SAMD5: variants seen among roughly 807,000 people sequenced by gnomAD.
SAMD5 encodes sterile alpha motif domain containing 5.
SAMD5 carries 13 observed loss-of-function variants against 11.3 expected under a neutral mutation model. The ratio of observed to expected loss-of-function variants is 1.15; its 90% CI spans 0.75 to 1.83. The LOEUF is 1.83. Ranked by LOEUF, SAMD5 falls within the 40% of genes most tolerant of loss-of-function variation. The probability of loss-of-function intolerance (pLI) is 0.00; values close to 1 mark genes in which losing one functional copy is unlikely to be tolerated. For synonymous variants in SAMD5, 129 were observed against 111.3 expected, an observed-to-expected ratio of 1.16 and a Z score of -1.00; for missense variants, 255 against 239.1, an observed-to-expected ratio of 1.07 and a Z score of -0.44.
chr6:147,890,137 A>G, the SAMD5 span, among the ~76,000 whole-genome samples: 4 of 152,220 alleles, frequency 2.6e-5, no homozygotes, highest in African/African-American at 9.6e-5. Flanking sequence ...AAATATAAAG[A>G]CAAACGTGAG....
the SAMD5 span, among the ~76,000 whole-genome samples, chr6:147,873,426 A>T: frequency 1.3e-5 from 2 of 152,016 alleles, no homozygotes; most frequent in African/African-American, 4.8e-5. Flanking sequence ...TCTGGTATCT[A>T]TTCTGACTGT....
chr6:147,953,611 A>G, the SAMD5 span: 1 of 152,240 alleles, frequency 6.6e-6, no homozygotes, highest in African/African-American at 2.4e-5. Context: ...TTATGTTAAA[A>G]TCAGCCAAAA....
At chr6:147,742,212 G>T (rs1425369806), downstream of SAMD5, among the ~76,000 whole-genome samples, 1 of 152,038 alleles carries the variant, frequency 6.6e-6, no homozygotes, top group East Asian at 1.9e-4. Flanking sequence ...GGCCTAAGTC[G>T]TCTTTTGCCC....
chr6:147,542,573 T>C (rs1398396586), intron 1 of SAMD5, among the ~76,000 whole-genome samples: 1 of 152,068 alleles, frequency 6.6e-6, no homozygotes, highest in Non-Finnish European at 1.5e-5. Flanking sequence ...GATGAAATCA[T>C]AGGAAGTTGA....
At chr6:147,571,259 C>A (rs1282676374), downstream of SAMD5, among the ~76,000 whole-genome samples, 2 of 152,130 alleles carry the variant, frequency 1.3e-5, no homozygotes, top group Non-Finnish European at 2.9e-5. Flanking sequence ...TGTATGCCTG[C>A]AGTAAAGTTC....
At chr6:147,781,444 G>A in the SAMD5 span, among the ~76,000 whole-genome samples, 9 of 152,026 alleles carry the variant, frequency 5.9e-5, no homozygotes, top group Non-Finnish European at 1.2e-4. Context: ...CTTAAATCTA[G>A]GTACATCATT....
chr6:147,588,819 C>G (rs1789413057), intron 1 of SAMD5, among the ~76,000 whole-genome samples: 1 of 152,054 alleles, frequency 6.6e-6, no homozygotes, highest in Non-Finnish European at 1.5e-5. Context: ...CCCCATCCAT[C>G]TTTTTACTAA....
At chr6:147,605,957 G>A (rs1789693623) in intron 1 of SAMD5, among the ~76,000 whole-genome samples, 3 of 151,942 alleles carry the variant, frequency 2.0e-5, no homozygotes, top group African/African-American at 7.3e-5. Flanking sequence ...AGCAGGGTTG[G>A]CACACAAGAT....
chr6:147,939,539 C>A, the SAMD5 span, among the ~76,000 whole-genome samples: 1 of 152,142 alleles, frequency 6.6e-6, no homozygotes, highest in South Asian at 2.1e-4. Flanking sequence ...AGCTGTATGC[C>A]AGAAACCTAG....
the SAMD5 span, among the ~76,000 whole-genome samples, chr6:147,833,107 A>G: frequency 6.6e-6 from 1 of 152,234 alleles, no homozygotes; most frequent in African/African-American, 2.4e-5. Context: ...ATTCATCCCA[A>G]GCAGGCCATG....
the SAMD5 span, among the ~76,000 whole-genome samples, chr6:147,918,866 A>T: frequency 1.3e-5 from 2 of 151,758 alleles, no homozygotes; most frequent in African/African-American, 4.8e-5. Context: ...CACCACACTC[A>T]GCTAATTTTT....
chr6:147,901,771 G>A, the SAMD5 span, among the ~76,000 whole-genome samples: 1 of 152,140 alleles, frequency 6.6e-6, no homozygotes, highest in African/African-American at 2.4e-5. Flanking sequence ...AAGACTTCAT[G>A]TTATACTTTT....
chr6:147,823,513 G>A, the SAMD5 span, among the ~76,000 whole-genome samples: 1,961 of 152,280 alleles, frequency 0.013, 35 homozygotes, highest in South Asian at 0.039. Flanking sequence ...CTGCGGTCTC[G>A]TACCTGGATA....
chr6:147,617,687 A>G (rs978301294), intron 1 of SAMD5, among the ~76,000 whole-genome samples: 3 of 152,182 alleles, frequency 2.0e-5, no homozygotes, highest in African/African-American at 7.2e-5. Context: ...TGCAGAACTC[A>G]TCACACTGTC....
chr6:147,654,564 G>T (rs1790537807), intron 1 of SAMD5, among the ~76,000 whole-genome samples: 1 of 151,924 alleles, frequency 6.6e-6, no homozygotes, highest in South Asian at 2.1e-4. Flanking sequence ...GGCCACTACT[G>T]TTGCTCCATT....
chr6:147,641,227 G>A (rs1790307524), intron 1 of SAMD5, among the ~76,000 whole-genome samples: 1 of 152,162 alleles, frequency 6.6e-6, no homozygotes, highest in African/African-American at 2.4e-5. Flanking sequence ...AAATATGGAT[G>A]TCCAACATTG....
In SAMD5 at chr6:147,576,376, G is replaced by A. The variant is rs772645818; in HGVS notation, c.162+66989G>A. Among the ~76,000 whole-genome samples, 166 of 152,042 alleles carry A rather than the reference G, an allele frequency of 1.1e-3. 1 individual carries two copies. The highest frequency in any genetic ancestry group is 5.2e-4 in the Admixed American group (8 of 15,268). On this transcript the variant is annotated intron_variant, in intron 1 of 1. Coordinates refer to the SAMD5 transcript ENST00000566741. ...GGCTGGTCTCGAACTCCTGACCTCA[G>A]GTGATCCACCTGCCTCGGCCTCAAA...
chr6:147,553,531 T>C (rs1459326459), intron 1 of SAMD5, among the ~76,000 whole-genome samples: 1 of 152,226 alleles, frequency 6.6e-6, no homozygotes, highest in East Asian at 1.9e-4. Context: ...GGACCCACGC[T>C]GGACACGATG....
the SAMD5 span, among the ~76,000 whole-genome samples, chr6:147,906,066 T>G: frequency 6.6e-6 from 1 of 152,212 alleles, no homozygotes; most frequent in Admixed American, 6.5e-5. Flanking sequence ...CCTCAAGTAT[T>G]TCTTATGAAA....
Sources: gnomAD v4.1 joint callset for allele counts (sites outside exome capture counted in the v4.1 genomes callset) on GRCh38, gnomAD v4.1.1 for gene constraint, MANE v1.5 for transcripts, NCBI Gene and HGNC (gene_info 2026-07-23, HGNC 2026-07-21) for gene names.